GLIS1: variants seen among roughly 807,000 people sequenced by gnomAD.
GLIS1 encodes zinc finger protein GLIS1.
A neutral mutation model predicts 63.8 loss-of-function variants in GLIS1; 24 were observed. The ratio of observed to expected loss-of-function variants is 0.38; its 90% CI spans 0.27 to 0.53. The LOEUF is 0.53. Ranked by LOEUF, GLIS1 falls within the 20% of genes least tolerant of loss-of-function variation. GLIS1 has a pLI of 0.85. For synonymous variants in GLIS1, 450 were observed against 482.5 expected, an observed-to-expected ratio of 0.93 and a Z score of 0.88; for missense variants, 1,036 against 1,074.1, an observed-to-expected ratio of 0.96 and a Z score of 0.50.
rs1644301662 is a variant in GLIS1, at chr1:53,511,890, GC to G, written c.1884-1864del. 6.6e-6 allele frequency among the ~76,000 whole-genome samples: 1 copy of G among 152,176 alleles called. No individual in the cohort carries two copies. On this transcript the variant is annotated intron_variant, in intron 8 of 10. Coordinates refer to ENST00000628545, the MANE Select transcript of GLIS1 (RefSeq NM_001367484.1). The surrounding 1 kb of genome is among the most constrained non-coding windows in gnomAD (Gnocchi z 4.2). ...CCCAGCCCTCCCCTGGTTTCCTGAA[GC>G]CCCTGTAGGGAGGGCCAGGTCTTGG...
chr1:53,522,989 T>TTTCTTTTTC (rs756345692), intron 6 of GLIS1, among the ~76,000 whole-genome samples: 1,020 of 47,742 alleles, frequency 0.021, 17 homozygotes, highest in East Asian at 0.1. Context: ...TTTCTTTCTT[T>TTTCTTTTTC]TTTTTTTTTT....
chr1:53,718,957 T>G (rs1363919932), intron 2 of GLIS1, among the ~76,000 whole-genome samples: 4 of 152,218 alleles, frequency 2.6e-5, no homozygotes, highest in Non-Finnish European at 5.9e-5. Context: ...ACTTGGATGC[T>G]TAGTGCCCAC....
At chr1:53,596,349 A>G (rs1645255089) in intron 3 of GLIS1, among the ~76,000 whole-genome samples, 1 of 152,242 alleles carries the variant, frequency 6.6e-6, no homozygotes, top group Admixed American at 6.5e-5. Flanking sequence ...GGGAAAGGTC[A>G]GGAAAGTGAG....
chr1:53,718,461 T>C (rs1397733538), intron 2 of GLIS1, among the ~76,000 whole-genome samples: 1 of 151,984 alleles, frequency 6.6e-6, no homozygotes, highest in Non-Finnish European at 1.5e-5. Flanking sequence ...ATATAAAATA[T>C]AAAACTAAGC....
At position 53,672,653 on chromosome 1, in the gene GLIS1, T is replaced by C. The variant is rs547740972; in HGVS notation, c.259+65153A>G. On this transcript the variant is annotated intron_variant, in intron 2 of 10. Coordinates refer to ENST00000628545, the MANE Select transcript of GLIS1 (RefSeq NM_001367484.1). ...GCTTCTCTGCCAACCCAAACCCAGT[T>C]GGCTTTTGAGGCCTTGCATTTGCAG... 4.6e-5 allele frequency among the ~76,000 whole-genome samples: 7 copies of C among 152,370 alleles called. No individual in the cohort carries two copies. In the East Asian group the frequency reaches 1.4e-3, roughly 29 times the overall value.
At chr1:53,618,044 C>A (rs1645501047) in intron 2 of GLIS1, among the ~76,000 whole-genome samples, 1 of 152,246 alleles carries the variant, frequency 6.6e-6, no homozygotes, top group African/African-American at 2.4e-5. Flanking sequence ...GCAGTCCAGG[C>A]CCTGTGCTGG....
chr1:53,569,815 AT>A (rs1216470516), intron 4 of GLIS1, among the ~76,000 whole-genome samples: 1 of 152,104 alleles, frequency 6.6e-6, no homozygotes, highest in African/African-American at 2.4e-5. Flanking sequence ...TAAAAAAGTA[AT>A]TAAAAAAGAT....
chr1:53,710,557 G>A (rs1225382170), intron 2 of GLIS1, among the ~76,000 whole-genome samples: 1 of 152,264 alleles, frequency 6.6e-6, no homozygotes, highest in African/African-American at 2.4e-5. Flanking sequence ...CCAAGGTTCT[G>A]TATCATTCTT....
intron 2 of GLIS1, among the ~76,000 whole-genome samples, chr1:53,637,525 G>A (rs1283925027): frequency 6.6e-6 from 1 of 152,144 alleles, no homozygotes; most frequent in African/African-American, 2.4e-5. Context: ...TCCCACACCC[G>A]AGGTTCAAGA....
chr1:53,592,712 T>C (rs555185767), intron 4 of GLIS1, among the ~76,000 whole-genome samples: 29 of 152,310 alleles, frequency 1.9e-4, no homozygotes, highest in African/African-American at 7.0e-4. Context: ...GCCTGTCCAA[T>C]GCACTCTCCC....
chr1:53,725,899 A>G (rs866258650), intron 2 of GLIS1, among the ~76,000 whole-genome samples: 1 of 152,208 alleles, frequency 6.6e-6, no homozygotes, highest in Non-Finnish European at 1.5e-5. Flanking sequence ...GAACTTCCCA[A>G]GAAGCCCCAC....
chr1:53,715,739 T>C (rs1646691779), intron 2 of GLIS1, among the ~76,000 whole-genome samples: 1 of 152,010 alleles, frequency 6.6e-6, no homozygotes, highest in Non-Finnish European at 1.5e-5. Flanking sequence ...CTAATGTTAC[T>C]GAGAGGACGA....
chr1:53,700,234 G>A (rs1314677562), intron 2 of GLIS1, among the ~76,000 whole-genome samples: 1 of 152,114 alleles, frequency 6.6e-6, no homozygotes. Flanking sequence ...CTCTGGATGC[G>A]CCCCCCAGGC....
At chr1:53,713,977 G>A (rs986451463) in intron 2 of GLIS1, among the ~76,000 whole-genome samples, 23 of 152,224 alleles carry the variant, frequency 1.5e-4, no homozygotes, top group Non-Finnish European at 2.5e-4. Context: ...CAGCTTTAGG[G>A]TGTGTGGCTG....
At chr1:53,541,788 G>A (rs570195373) in intron 4 of GLIS1, among the ~76,000 whole-genome samples, 12 of 152,382 alleles carry the variant, frequency 7.9e-5, no homozygotes, top group African/African-American at 2.4e-4. Flanking sequence ...GTGAGAGGCA[G>A]GACGGAGTTG....
intron 2 of GLIS1, among the ~76,000 whole-genome samples, chr1:53,669,721 G>T (rs1431775985): frequency 6.6e-6 from 1 of 152,196 alleles, no homozygotes; most frequent in Non-Finnish European, 1.5e-5. Context: ...CGTGCTAACT[G>T]CCTGCTATGT....
intron 2 of GLIS1, among the ~76,000 whole-genome samples, chr1:53,625,462 T>C (rs1317565489): frequency 6.6e-6 from 1 of 152,218 alleles, no homozygotes; most frequent in East Asian, 1.9e-4. Flanking sequence ...ATAGATTCCA[T>C]AGCTCGGCCT....
chr1:53,585,628 C>A (rs1241820278), intron 4 of GLIS1, among the ~76,000 whole-genome samples: 1 of 152,154 alleles, frequency 6.6e-6, no homozygotes, highest in Non-Finnish European at 1.5e-5. Context: ...AGCAAAGCTG[C>A]AGGCTGAGGC....
chr1:53,724,300 G>A (rs1320632517), intron 2 of GLIS1, among the ~76,000 whole-genome samples: 3 of 152,224 alleles, frequency 2.0e-5, no homozygotes, highest in African/African-American at 7.2e-5. Flanking sequence ...GACTAATGCT[G>A]TCCAACAGAA....
Sources: gnomAD v4.1 joint callset for allele counts (sites outside exome capture counted in the v4.1 genomes callset) on GRCh38, gnomAD v4.1.1 for gene constraint, Gnocchi (gnomAD v3.1) non-coding constraint, MANE v1.5 for transcripts, NCBI Gene and HGNC (gene_info 2026-07-23, HGNC 2026-07-21) for gene names.